The following TACC2 variants were observed in gnomAD, a reference collection of about 807,000 sequenced individuals.
TACC2 encodes the protein transforming acidic coiled-coil-containing protein 2.
A neutral mutation model predicts 227.3 loss-of-function variants in TACC2; 137 were observed. The observed-to-expected ratio is 0.60, with a 90% CI of 0.52 to 0.69. TACC2 has a LOEUF of 0.69. Among genes scored for constraint, TACC2 ranks in the 30% least tolerant of loss-of-function variants. The probability of loss-of-function intolerance (pLI) is 0.00; values close to 1 mark genes in which losing one functional copy is unlikely to be tolerated. For synonymous variants in TACC2, 1,523 were observed against 1,487.5 expected (o/e 1.02, Z -0.55); for missense variants, 3,470 against 3,694.4 (o/e 0.94, Z 1.57).
intron 7 of TACC2, among the ~76,000 whole-genome samples, chr10:122,172,107 T>TTAAA: frequency 6.6e-6 from 1 of 152,186 alleles, no homozygotes; most frequent in East Asian, 1.9e-4. Context: ...CTGGCCTGAG[T>TTAAA]TAAAACCATC....
intron 3 of TACC2, among the ~76,000 whole-genome samples, chr10:122,069,511 G>A (rs1237807999): frequency 2.6e-5 from 4 of 152,090 alleles, no homozygotes; most frequent in Non-Finnish European, 4.4e-5. Context: ...CAAAGTGCTG[G>A]GATTACAGGT....
At chr10:122,056,765 G>A (rs2076250686) in intron 3 of TACC2, among the ~76,000 whole-genome samples, 1 of 152,204 alleles carries the variant, frequency 6.6e-6, no homozygotes, top group Non-Finnish European at 1.5e-5. Context: ...GACCCAGGTG[G>A]TGACGTTCAC....
chr10:122,225,064 T>A (rs925687176), intron 12 of TACC2, among the ~76,000 whole-genome samples: 1,495 of 143,944 alleles, frequency 0.01, 13 homozygotes, highest in Non-Finnish European at 0.015. Context: ...GAGATTTCTT[T>A]AAAAAAAAAA....
rs1009942153 is a variant in TACC2 at position 122,078,207 on chromosome 10, A to G, written c.147-4440A>G. ...GAGACTCCATCTCCAAAAAAAAAAA[A>G]AAAAAAAAAAAAAAAAAGTGCCCAG... is the stretch of plus-strand genomic sequence containing the variant. On this transcript the variant is annotated intron_variant, in intron 3 of 22. Transcript: ENST00000369005. Among the ~76,000 whole-genome samples, 743 of 149,998 alleles carry G rather than the reference A, an allele frequency of 5.0e-3. 2 individuals are homozygous for G. Among genetic ancestry groups the G allele is most frequent in the Non-Finnish European group, 8.2e-3 (551 of 67,442 alleles).
intron 2 of TACC2, chr10:122,033,027 C>A: frequency 9.7e-7 from 1 of 1,026,786 alleles, no homozygotes; most frequent in Non-Finnish European, 1.3e-6. Context: ...ACAAAAACAC[C>A]AAAGATTGTC....
At chr10:122,146,046 A>G (rs2091330768) in intron 7 of TACC2, among the ~76,000 whole-genome samples, 1 of 152,224 alleles carries the variant, frequency 6.6e-6, no homozygotes, top group East Asian at 1.9e-4. Flanking sequence ...AGGAGCATCC[A>G]GTGCTGGCAG....
At chr10:122,136,543 G>GTATATATATATATATATA (rs747076679) in intron 6 of TACC2, among the ~76,000 whole-genome samples, 103 of 143,212 alleles carry the variant, frequency 7.2e-4, no homozygotes, top group African/African-American at 1.7e-3. Flanking sequence ...TTGTGTGTGT[G>GTATATATATATATATATA]TGTATATATA....
chr10:122,114,849 C>T (rs1022315076), intron 5 of TACC2, among the ~76,000 whole-genome samples: 3 of 152,086 alleles, frequency 2.0e-5, no homozygotes, highest in Non-Finnish European at 2.9e-5. Flanking sequence ...CCCCTTGTCT[C>T]TCCGTTCCAG....
chr10:122,062,088 A>C (rs958410121), intron 3 of TACC2, among the ~76,000 whole-genome samples: 3 of 125,244 alleles, frequency 2.4e-5, no homozygotes, highest in Non-Finnish European at 4.7e-5. Flanking sequence ...GCTGGAGTGC[A>C]GTGGCACCAT....
intron 2 of TACC2, among the ~76,000 whole-genome samples, chr10:122,042,091 G>A (rs1391671206): frequency 1.3e-5 from 2 of 150,984 alleles, no homozygotes; most frequent in South Asian, 2.1e-4. Flanking sequence ...GACCACAGGC[G>A]CCCGCGACCA....
chr10:122,217,056 G>T, intron 11 of TACC2: 1 of 825,564 alleles, frequency 1.2e-6, no homozygotes, highest in South Asian at 1.8e-5. Context: ...GAGCCAGCAC[G>T]GTGCCCTCTA....
At chr10:122,122,770 A>G (rs1248559206) in intron 5 of TACC2, among the ~76,000 whole-genome samples, 4 of 152,228 alleles carry the variant, frequency 2.6e-5, no homozygotes, top group Non-Finnish European at 5.9e-5. Context: ...GAGTGTGTGC[A>G]GAGCCCTTCG....
chr10:122,048,426 C>T (rs375945962), intron 2 of TACC2, among the ~76,000 whole-genome samples: 4 of 117,828 alleles, frequency 3.4e-5, no homozygotes, highest in Non-Finnish European at 3.9e-5. Flanking sequence ...CCTTCCTTCC[C>T]TCCTTGCTTC....
At chr10:122,115,863 T>C (rs7083710) in intron 5 of TACC2, among the ~76,000 whole-genome samples, 14,773 of 152,054 alleles carry the variant, frequency 0.097, 1,184 homozygotes, top group African/African-American at 0.22. Flanking sequence ...TTTGCACAGA[T>C]GATCAGGAGG....
chr10:122,084,881 C>A lies in TACC2; in HGVS notation c.2381C>A (p.Thr794Lys). The change falls in exon 4 of 23, where the codon ACG (threonine) becomes AAG (lysine). Residue 794 changes from threonine to lysine, a missense_variant. Coordinates refer to ENST00000369005, the MANE Select transcript of TACC2 (RefSeq NM_206862.4). The part of the protein sequence containing the change: ...GENLAADLGL[T>K]ALILDQDQQG... Reference sequence around the variant, plus strand: ...AACTTGGCAGCAGACCTGGGGCTCACGGCACTCATCCTGGACCAAGATCAG... The same window carrying A: ...AACTTGGCAGCAGACCTGGGGCTCAAGGCACTCATCCTGGACCAAGATCAG... The A allele has an allele frequency of 6.2e-7, 1 of 1,614,062 alleles. No homozygotes were observed. The highest frequency in any genetic ancestry group is 8.5e-7 in the Non-Finnish European group (1 of 1,180,038).
At chr10:122,223,049 CTCTCTT>C (rs2095552326) in intron 11 of TACC2, among the ~76,000 whole-genome samples, 1 of 138,802 alleles carries the variant, frequency 7.2e-6, no homozygotes, top group African/African-American at 2.8e-5. Context: ...CTCTCTCTCT[CTCTCTT>C]TTTTTTTTTT....
At chr10:122,037,186 CTT>C (rs1960680587) in intron 2 of TACC2, among the ~76,000 whole-genome samples, 2 of 152,142 alleles carry the variant, frequency 1.3e-5, no homozygotes, top group Non-Finnish European at 2.9e-5. Context: ...GCTTGCTGTA[CTT>C]TAAGATCAGC....
Position 122,084,570 on chromosome 10 carries a change from G to A in TACC2, c.2070G>A (p.Gly690=). Residue 690 remains glycine, a synonymous_variant, in exon 4 of 23, where the codon GGG becomes GGA. Transcript: ENST00000369005. The part of the protein sequence containing the change: ...PTVPEGAIWE[G]SGLQPKCPDT... ...TTCCCGAAGGAGCCATCTGGGAGGG[G>A]TCAGGATTGCAGCCCAAATGTCCTG... is the stretch of plus-strand genomic sequence containing the variant. 1 of 1,613,806 alleles carries A rather than the reference G, an allele frequency of 6.2e-7. No individual in the cohort carries two copies. The highest frequency in any genetic ancestry group is 1.1e-5 in the South Asian group (1 of 91,092).
chr10:122,033,264 C>A, intron 2 of TACC2: 1 of 615,870 alleles, frequency 1.6e-6, no homozygotes, highest in Non-Finnish European at 2.6e-6. Flanking sequence ...AGGTTTTCTC[C>A]TCCTCCCTCT....
Sources: allele counts gnomAD v4.1 joint callset (sites outside exome capture counted in the v4.1 genomes callset), GRCh38; gene constraint gnomAD v4.1.1; transcripts MANE v1.5; gene names NCBI Gene and HGNC (gene_info 2026-07-23, HGNC 2026-07-21).